ADORA1: variants seen among roughly 807,000 people sequenced by gnomAD.
ADORA1 encodes the protein adenosine A1 receptor.
A neutral mutation model predicts 19.9 loss-of-function variants in ADORA1; 6 were observed. The observed-to-expected ratio is 0.30, with a 90% CI of 0.17 to 0.59. ADORA1 has a LOEUF of 0.59. ADORA1 is among the 20% of genes least tolerant of loss of function. The pLI is 0.87. For synonymous variants in ADORA1, 194 were observed against 188.4 expected, an observed-to-expected ratio of 1.03 and a Z score of -0.24; for missense variants, 302 against 439.2, an observed-to-expected ratio of 0.69 and a Z score of 2.79.
rs1654233134 is a variant in ADORA1, at chr1:203,128,688, T to G, written c.-57-97T>G. ...CTGGGTAGGAGCTGCATGTGACAAG[T>G]GGGACACATCACAGGGTACCTGGAG... On this transcript the variant is annotated intron_variant, in intron 2 of 3. Transcript: ENST00000337894. The surrounding 1 kb of genome is among the most constrained non-coding windows in gnomAD (Gnocchi z 5.9). 1 of 1,381,160 alleles carries G rather than the reference T, an allele frequency of 7.2e-7. No homozygotes were observed. The highest frequency in any genetic ancestry group is 9.6e-7 in the Non-Finnish European group (1 of 1,039,726). 85.6% of individuals were successfully genotyped at this position (1,381,160 alleles called of 1,614,324 possible).
At chr1:203,141,461 A>G (rs927707815) in intron 3 of ADORA1, among the ~76,000 whole-genome samples, 3 of 151,990 alleles carry the variant, frequency 2.0e-5, no homozygotes, top group Non-Finnish European at 4.4e-5. Flanking sequence ...CTATTCCAAC[A>G]GAACTGAGGG....
intron 3 of ADORA1, among the ~76,000 whole-genome samples, chr1:203,151,941 T>C (rs1367498435): frequency 6.6e-6 from 1 of 152,206 alleles, no homozygotes; most frequent in Non-Finnish European, 1.5e-5. Flanking sequence ...CGGGGATGTA[T>C]GGGTGCCCCT....
intron 3 of ADORA1, among the ~76,000 whole-genome samples, chr1:203,156,251 G>A (rs1006080605): frequency 4.6e-5 from 7 of 152,066 alleles, no homozygotes; most frequent in African/African-American, 1.7e-4. Context: ...TGAGAGAGAG[G>A]GAGGAGGGAG....
At chr1:203,151,810 A>ATT (rs1655046453) in intron 3 of ADORA1, among the ~76,000 whole-genome samples, 1 of 151,674 alleles carries the variant, frequency 6.6e-6, no homozygotes, top group African/African-American at 2.4e-5. Context: ...TCATTCATTC[A>ATT]TTCATTCATT....
chr1:203,156,704 A>C (rs1655208800), intron 3 of ADORA1, among the ~76,000 whole-genome samples: 1 of 152,246 alleles, frequency 6.6e-6, no homozygotes, highest in Admixed American at 6.5e-5. Flanking sequence ...AGAATAGCAC[A>C]GACTAGGTAA....
chr1:203,133,741 T>A (rs1558126951), intron 3 of ADORA1, among the ~76,000 whole-genome samples: 1 of 152,236 alleles, frequency 6.6e-6, no homozygotes. Flanking sequence ...CCTCTGTCCA[T>A]AGCTTGAAGC....
chr1:203,163,320 G>T (rs1655429742), intron 3 of ADORA1, among the ~76,000 whole-genome samples: 1 of 152,226 alleles, frequency 6.6e-6, no homozygotes, highest in African/African-American at 2.4e-5. Flanking sequence ...TTACAGAGGA[G>T]ACATTGATCT....
intron 3 of ADORA1, among the ~76,000 whole-genome samples, chr1:203,131,328 A>G (rs181764299): frequency 2.0e-5 from 3 of 152,304 alleles, no homozygotes; most frequent in African/African-American, 7.2e-5. Flanking sequence ...AGTTATATCT[A>G]TACATGTTTC....
Position 203,128,208 on chromosome 1 carries a change from A to C in ADORA1, c.-212-70A>C, listed in dbSNP as rs1302131225. On this transcript the variant is annotated intron_variant, in intron 1 of 3. Coordinates refer to ENST00000337894, the MANE Select transcript of ADORA1 (RefSeq NM_000674.3). This position sits in a 1 kb window ranked among gnomAD's most constrained non-coding sequence, Gnocchi z 5.9. ...GTCTGCCACCCCAGTCCCAGGTGCG[A>C]AACAGGGGCGCTACCTCTTTAAAAG... 4.1e-6 allele frequency: 3 copies of C among 736,772 alleles called. No individual in the cohort carries two copies. Among genetic ancestry groups the C allele is most frequent in the African/African-American group, 3.7e-5 (2 of 53,508 alleles). 45.6% of individuals were successfully genotyped at this position (736,772 alleles called of 1,614,324 possible).
At position 203,145,349 on chromosome 1, in the gene ADORA1, C is replaced by A. The variant is rs144403205; in HGVS notation, c.341+16167C>A. On this transcript the variant is annotated intron_variant, in intron 3 of 3. Coordinates refer to ENST00000337894, the MANE Select transcript of ADORA1 (RefSeq NM_000674.3). The stretch of plus-strand genomic sequence containing the variant: ...GGAAACAGGATGCCTGAACTCTGGG[C>A]CTGGGCTGCCATGGTGCCCACTTGG... Among the ~76,000 whole-genome samples the A allele has an allele frequency of 3.3e-3, 502 of 152,356 alleles. 2 individuals carry two copies. Among genetic ancestry groups the A allele is most frequent in the African/African-American group, 0.012 (492 of 41,584 alleles).
At chr1:203,158,475 G>T (rs1222134156) in intron 3 of ADORA1, among the ~76,000 whole-genome samples, 3 of 152,164 alleles carry the variant, frequency 2.0e-5, no homozygotes, top group South Asian at 4.1e-4. Flanking sequence ...AAAAGATTCA[G>T]TTGCTCCTTA....
chr1:203,137,561 G>A (rs532320084), intron 3 of ADORA1, among the ~76,000 whole-genome samples: 1 of 152,204 alleles, frequency 6.6e-6, no homozygotes, highest in African/African-American at 2.4e-5. Flanking sequence ...AGTGATTCAG[G>A]TAAGGGAAGA....
Position 203,128,521 on chromosome 1 carries a change from G to A in ADORA1, c.-58+89G>A. On this transcript the variant is annotated intron_variant, in intron 2 of 3. Transcript: ENST00000337894. This position sits in a 1 kb window ranked among gnomAD's most constrained non-coding sequence, Gnocchi z 5.9. The stretch of plus-strand genomic sequence containing the variant: ...TGTGCGTGTGTCTGTGTGTGCGCGC[G>A]CGCTGGGAGCTGCCTCACACCTGAT... 3.8e-6 allele frequency: 4 copies of A among 1,042,386 alleles called. No individual in the cohort carries two copies. Among genetic ancestry groups the A allele is most frequent in the Non-Finnish European group, 5.2e-6 (4 of 776,594 alleles). The allele number at this position is 1,042,386 out of a possible 1,614,324, so 64.6% of individuals were successfully genotyped here. A position where few individuals can be genotyped will look rare whatever the true frequency, so the allele number is the denominator to read the frequency against.
intron 3 of ADORA1, among the ~76,000 whole-genome samples, chr1:203,136,192 C>T (rs938478580): frequency 2.6e-5 from 4 of 152,134 alleles, no homozygotes; most frequent in South Asian, 2.1e-4. Context: ...TATCAGCTGC[C>T]GCAGTCCAAA....
intron 3 of ADORA1, among the ~76,000 whole-genome samples, chr1:203,157,610 C>T (rs1488323515): frequency 6.6e-6 from 1 of 152,234 alleles, no homozygotes; most frequent in African/African-American, 2.4e-5. Flanking sequence ...GGCTCTGTCC[C>T]TGTGACAAGT....
rs1173014898 is a variant in ADORA1 at position 203,128,368 on chromosome 1, G to A, written c.-122G>A. The A allele has an allele frequency of 2.3e-6, 3 of 1,290,218 alleles. No homozygotes were observed. The highest frequency in any genetic ancestry group is 1.5e-5 in the African/African-American group (1 of 65,872). 79.9% of individuals were successfully genotyped at this position (1,290,218 alleles called of 1,614,324 possible). A position where few individuals can be genotyped will look rare whatever the true frequency, so the allele number is the denominator to read the frequency against. The stretch of plus-strand genomic sequence containing the variant: ...AGCCCAGCCCTACCGCGCGCGGCCC[G>A]GAGCTCTGTTCCCTGGAACTTTGGG... On this transcript the variant is annotated 5_prime_UTR_variant, in exon 2 of 4. Transcript: ENST00000337894. The surrounding 1 kb of genome is among the most constrained non-coding windows in gnomAD (Gnocchi z 5.9).
At chr1:203,131,023 A>G (rs986496918) in intron 3 of ADORA1, among the ~76,000 whole-genome samples, 3 of 152,228 alleles carry the variant, frequency 2.0e-5, no homozygotes, top group Non-Finnish European at 1.5e-5. Context: ...CTTATGTATA[A>G]AAGGGAACAT....
chr1:203,157,159 T>C (rs754658134), intron 3 of ADORA1, among the ~76,000 whole-genome samples: 2 of 152,234 alleles, frequency 1.3e-5, no homozygotes, highest in Non-Finnish European at 2.9e-5. Flanking sequence ...GAGTCTCATC[T>C]AAATCAGATA....
chr1:203,138,125 T>G (rs1654568654), intron 3 of ADORA1, among the ~76,000 whole-genome samples: 1 of 152,144 alleles, frequency 6.6e-6, no homozygotes, highest in African/African-American at 2.4e-5. Context: ...GAAAGAAGAA[T>G]CAATATGACC....
Sources: gnomAD v4.1 joint callset for allele counts (sites outside exome capture counted in the v4.1 genomes callset) on GRCh38, gnomAD v4.1.1 for gene constraint, Gnocchi (gnomAD v3.1) non-coding constraint, MANE v1.5 for transcripts, NCBI Gene and HGNC (gene_info 2026-07-23, HGNC 2026-07-21) for gene names.